The following CRELD1 variants were observed in gnomAD, a reference collection of about 807,000 sequenced individuals.
The protein encoded by CRELD1 is CRELD disulfide isomerase 1, also known as protein disulfide isomerase CRELD1.
Under a neutral mutation model 58.2 loss-of-function variants are expected in CRELD1, and 42 were observed. That is an observed-to-expected ratio of 0.72 (90% CI 0.56 to 0.93). The LOEUF (loss-of-function observed/expected upper bound fraction) is 0.93. Ranked by LOEUF, CRELD1 falls within the 40% of genes least tolerant of loss-of-function variation. The pLI is 0.00. For synonymous variants in CRELD1, 222 were observed against 202.0 expected, an observed-to-expected ratio of 1.10 and a Z score of -0.84; for missense variants, 500 against 540.6, an observed-to-expected ratio of 0.92 and a Z score of 0.74.
intron 3 of CRELD1, 184 bp downstream of exon 3, chr3:9,935,101 G>A (rs918243696): frequency 2.4e-4 from 140 of 592,498 alleles, no homozygotes; most frequent in Non-Finnish European, 3.8e-4. Context: ...TTCTAGTAGA[G>A]AAGACAAGCA....
At position 9,944,538 on chromosome 3, in the gene CRELD1, C is replaced by T. The variant is rs776702155; in HGVS notation, c.1222C>T (p.Arg408Cys). ...AAMTGYWLSE[R>C]SDRVLEGFIK... The stretch of plus-strand genomic sequence containing the variant: ...CATGACTGGCTACTGGTTGTCAGAG[C>T]GCAGTGACCGTGTGCTGGAGGGCTT... The change falls in exon 11 of 11, where the codon CGC becomes TGC. Residue 408 changes from arginine to cysteine, a missense_variant. Coordinates refer to ENST00000452070, the MANE Select transcript of CRELD1 (RefSeq NM_001077415.3). The T allele has an allele frequency of 6.2e-6, 10 of 1,611,314 alleles. 1 individual carries two copies. The South Asian group carries it at 7.7e-5, about 12-fold the overall frequency.
At chr3:9,944,256 G>T in intron 10 of CRELD1, 109 bp from the exon 11 acceptor site, 1 of 1,005,882 alleles carries the variant, frequency 9.9e-7, no homozygotes, top group South Asian at 1.3e-5. Flanking sequence ...GGCTTGCTGG[G>T]CAGGCCTGGT....
Position 9,934,527 on chromosome 3 carries a change from A to G in CRELD1, c.89A>G (p.Gln30Arg). Residue 30 changes from glutamine to arginine, a missense_variant, in exon 2 of 11, where the codon CAG (glutamine) becomes CGG (arginine). By Grantham distance (43) the Gln-to-Arg change is conservative. Coordinates refer to ENST00000452070, the MANE Select transcript of CRELD1 (RefSeq NM_001077415.3). ...AACCTCCCAGGACCTATCTGGCTCC[A>G]GCCCTCTCCACCTCCCCAGTCTTCT... ...FLNLPGPIWL[Q>R]PSPPPQSSPP... 6.2e-7 allele frequency: 1 copy of G among 1,613,940 alleles called. No individual in the cohort carries two copies. The highest frequency in any genetic ancestry group is 8.5e-7 in the Non-Finnish European group (1 of 1,179,954).
At chr3:9,940,629 C>T (rs2085334270) in intron 5 of CRELD1, among the ~76,000 whole-genome samples, 1 of 138,624 alleles carries the variant, frequency 7.2e-6, no homozygotes, top group African/African-American at 2.6e-5. Flanking sequence ...TACAGTCCAG[C>T]TTCAGCTTGG....
intron 5 of CRELD1, 118 bp downstream of exon 5, chr3:9,938,224 C>G: frequency 1.2e-6 from 1 of 800,062 alleles, no homozygotes; most frequent in Non-Finnish European, 2.1e-6. Flanking sequence ...CTTCTCTGGA[C>G]CTCAGTTCTT....
chr3:9,934,629 C>G lies in CRELD1; in HGVS notation c.174+17C>G, dbSNP rs1230181399. The G allele has an allele frequency of 1.9e-6, 3 of 1,611,530 alleles. No individual in the cohort carries two copies. Among genetic ancestry groups the G allele is most frequent in the Non-Finnish European group, 2.5e-6 (3 of 1,177,906 alleles). On this transcript the variant is annotated intron_variant, in intron 2 of 10. Coordinates refer to ENST00000452070, the MANE Select transcript of CRELD1 (RefSeq NM_001077415.3). ...TTTAACAAGGTGGGTGCACCGGCAG[C>G]CTCGTTAGAGGGGAACACAGCGATT...
At chr3:9,933,982 C>T (rs2085079115) in intron 1 of CRELD1, 62 bp downstream of exon 1, 1 of 329,264 alleles carries the variant, frequency 3.0e-6, no homozygotes, top group Non-Finnish European at 5.7e-6. Flanking sequence ...GGCCCTGAAT[C>T]TGATCCCTTC....
chr3:9,940,221 C>G (rs1424469325), intron 5 of CRELD1, among the ~76,000 whole-genome samples: 2 of 148,920 alleles, frequency 1.3e-5, no homozygotes, highest in East Asian at 4.0e-4. Context: ...ATATCCCAGA[C>G]GATGGGCCGC....
chr3:9,940,823 C>G (rs778998018), intron 5 of CRELD1, 27 bp from the exon 6 acceptor site: 1 of 1,588,000 alleles, frequency 6.3e-7, no homozygotes. Context: ...TATAGATGAC[C>G]TCACCTGGTT....
At chr3:9,935,153 A>G (rs2085146094) in intron 3 of CRELD1, 1 of 497,632 alleles carries the variant, frequency 2.0e-6, no homozygotes, top group South Asian at 2.2e-5. Context: ...ATGAAGAACA[A>G]ACAGTGAAGC....
In CRELD1 at chr3:9,940,989, T is replaced by C. The variant is rs143534215; in HGVS notation, c.600T>C (p.Phe200=). Residue 200 remains phenylalanine, a synonymous_variant, in exon 6 of 11, where the codon TTT becomes TTC. Coordinates refer to ENST00000452070, the MANE Select transcript of CRELD1 (RefSeq NM_001077415.3). ...EACGQCGLGY[F]EAERNASHLV... ...GTGGCCAGTGTGGCCTTGGCTACTT[T>C]GAGGCAGAACGCAACGCCAGCCATC... 5.6e-5 allele frequency: 90 copies of C among 1,613,964 alleles called. No homozygotes were observed. The highest frequency in any genetic ancestry group is 7.5e-5 in the Non-Finnish European group (88 of 1,180,002).
intron 3 of CRELD1, among the ~76,000 whole-genome samples, chr3:9,936,983 A>AC: frequency 6.6e-6 from 1 of 152,230 alleles, no homozygotes; most frequent in East Asian, 1.9e-4. Context: ...CATTGTTTCT[A>AC]CCTTTTGGCT....
rs1230135475 is a variant in CRELD1 at position 9,942,867 on chromosome 3, T to A, written c.788T>A (p.Val263Glu). The change falls in exon 8 of 11, where the codon GTG (valine) becomes GAG (glutamate). Residue 263 changes from valine to glutamate, a missense_variant. Val to Glu is a moderately radical substitution (Grantham distance 121, BLOSUM62 -2). Coordinates refer to ENST00000452070, the MANE Select transcript of CRELD1 (RefSeq NM_001077415.3). The stretch of plus-strand genomic sequence containing the variant: ...AACTGTGGAGCTGACCAATTCTGCG[T>A]GAACACTGAGGGCTCCTATGAGTGC... ...GANCGADQFCVNTEGSYECRD... is the reference protein window; with the variant it reads ...GANCGADQFCENTEGSYECRD... 3 of 1,614,074 alleles carry A rather than the reference T, an allele frequency of 1.9e-6. No individual in the cohort carries two copies. Among genetic ancestry groups the A allele is most frequent in the Middle Eastern group, 1.6e-4 (1 of 6,082 alleles).
chr3:9,939,543 C>T (rs2085289021), intron 5 of CRELD1, among the ~76,000 whole-genome samples: 1 of 152,150 alleles, frequency 6.6e-6, no homozygotes, highest in Non-Finnish European at 1.5e-5. Flanking sequence ...TCTCAACCAG[C>T]ATGCTGCCTT....
chr3:9,934,494 T>A lies in CRELD1; in HGVS notation c.56T>A (p.Leu19His). ...CCAGCTATGCTCTGGGGCCTCAGCCTCTTCCTCAACCTCCCAGGACCTATC... is the reference window on the plus strand; with the variant it reads ...CCAGCTATGCTCTGGGGCCTCAGCCACTTCCTCAACCTCCCAGGACCTATC... Reference protein sequence around the residue: ...LVPAMLWGLSLFLNLPGPIWL... With the variant: ...LVPAMLWGLSHFLNLPGPIWL... Residue 19 changes from leucine to histidine, a missense_variant, in exon 2 of 11, where the codon CTC becomes CAC. By Grantham distance (99) the Leu-to-His change is moderately conservative. Transcript: ENST00000452070. 3 of 1,613,724 alleles carry A rather than the reference T, an allele frequency of 1.9e-6. No homozygotes were observed. Among genetic ancestry groups the A allele is most frequent in the Non-Finnish European group, 2.5e-6 (3 of 1,179,770 alleles).
chr3:9,940,432 G>A lies in CRELD1; in HGVS notation c.461-418G>A, dbSNP rs567168451. On this transcript the variant is annotated intron_variant, in intron 5 of 10. Transcript: ENST00000452070. Reference sequence around the variant, plus strand: ...TGCAATCCCGGCACCTCGGGAGGCCGAGGCTGGCGGATCACTCGCGTTTAG... The same window carrying A: ...TGCAATCCCGGCACCTCGGGAGGCCAAGGCTGGCGGATCACTCGCGTTTAG... 4.6e-5 allele frequency among the ~76,000 whole-genome samples: 7 copies of A among 152,242 alleles called. No individual in the cohort carries two copies. The East Asian group carries it at 1.2e-3, about 25-fold the overall frequency.
In CRELD1 at chr3:9,944,474, C is replaced by G; in HGVS notation, c.1158C>G (p.Asp386Glu). 6.2e-7 allele frequency: 1 copy of G among 1,613,548 alleles called. No individual in the cohort carries two copies. The highest frequency in any genetic ancestry group is 8.5e-7 in the Non-Finnish European group (1 of 1,180,042). ...CALATLAAKG[D>E]LVFTAIFIGA... ...TGGCCACGCTGGCTGCTAAGGGCGA[C>G]TTGGTGTTCACCGCCATCTTCATTG... The change falls in exon 11 of 11, where the codon GAC becomes GAG. Residue 386 changes from aspartate to glutamate, a missense_variant. Asp to Glu is a conservative substitution (Grantham distance 45). Coordinates refer to ENST00000452070, the MANE Select transcript of CRELD1 (RefSeq NM_001077415.3).
chr3:9,944,018 C>G, intron 10 of CRELD1: 1 of 914,064 alleles, frequency 1.1e-6, no homozygotes, highest in South Asian at 1.3e-5. Context: ...AGCTACTTTC[C>G]CAGGGCTATA....
chr3:9,937,539 C>G (rs1296979190), intron 3 of CRELD1, 23 bp from the exon 4 acceptor site: 8 of 1,550,832 alleles, frequency 5.2e-6, no homozygotes, highest in Non-Finnish European at 5.3e-6. Context: ...ATGTTTCCCA[C>G]CAGCCCTGCC....
Sources: gnomAD v4.1 joint callset for allele counts (sites outside exome capture counted in the v4.1 genomes callset) on GRCh38, gnomAD v4.1.1 for gene constraint, MANE v1.5 for transcripts, NCBI Gene and HGNC (gene_info 2026-07-23, HGNC 2026-07-21) for gene names.